The following PES1 variants were observed in gnomAD, a reference collection of about 807,000 sequenced individuals.
The protein encoded by PES1 is pescadillo homolog.
PES1 carries 31 observed loss-of-function variants against 77.1 expected under a neutral mutation model. That is an observed-to-expected ratio of 0.40 (90% CI 0.30 to 0.54). The LOEUF is 0.54. Among genes scored for constraint, PES1 ranks in the 20% least tolerant of loss-of-function variants. The probability of loss-of-function intolerance (pLI) is 0.45; values close to 1 mark genes in which losing one functional copy is unlikely to be tolerated. For missense variants in PES1, 658 were observed against 771.7 expected (o/e 0.85, Z 1.75); for synonymous variants, 282 against 303.0 (o/e 0.93, Z 0.72).
At chr22:30,602,911 T>TTG (rs61098443) in intron 2 of PES1, among the ~76,000 whole-genome samples, 59,299 of 150,792 alleles carry the variant, frequency 0.39, 12,702 homozygotes, top group African/African-American at 0.57. Context: ...TGAAAGCAAT[T>TTG]TGTGTGTGTG....
At chr22:30,594,477 G>A (rs1445017830), upstream of PES1, among the ~76,000 whole-genome samples, 1 of 151,922 alleles carries the variant, frequency 6.6e-6, no homozygotes, top group African/African-American at 2.4e-5. Flanking sequence ...CCAAAATTGT[G>A]CCATTGCACT....
intron 6 of PES1, among the ~76,000 whole-genome samples, chr22:30,584,029 G>C (rs2087027396): frequency 6.6e-6 from 1 of 152,262 alleles, no homozygotes; most frequent in Non-Finnish European, 1.5e-5. Context: ...CATGCAGGCT[G>C]GGTATGGCCC....
chr22:30,594,474 T>C (rs1005362746), upstream of PES1, among the ~76,000 whole-genome samples: 1 of 151,948 alleles, frequency 6.6e-6, no homozygotes, highest in Non-Finnish European at 1.5e-5. Context: ...GAGCCAAAAT[T>C]GTGCCATTGC....
intron 12 of PES1, 163 bp from the exon 13 acceptor site, chr22:30,579,466 G>T: frequency 8.5e-7 from 1 of 1,170,664 alleles, no homozygotes; most frequent in Non-Finnish European, 1.2e-6. Context: ...CCACAGCCCA[G>T]CTGCCATCAG....
chr22:30,578,155 C>T (rs2517986), intron 14 of PES1, among the ~76,000 whole-genome samples: 11,461 of 152,196 alleles, frequency 0.075, 539 homozygotes, highest in South Asian at 0.18. Flanking sequence ...TGGTGGCACA[C>T]GCCCTAATCC....
intron 2 of PES1, among the ~76,000 whole-genome samples, chr22:30,597,901 T>C (rs1324657157): frequency 1.6e-5 from 2 of 124,836 alleles, no homozygotes; most frequent in Non-Finnish European, 3.3e-5. Context: ...TTTTTTGTTT[T>C]GAGTCGGAGT....
At chr22:30,598,665 G>C (rs565693954) in intron 2 of PES1, among the ~76,000 whole-genome samples, 3 of 152,026 alleles carry the variant, frequency 2.0e-5, no homozygotes, top group South Asian at 4.2e-4. Context: ...CTTACCTTAA[G>C]TGACCCCCGC....
At chr22:30,603,563 G>A (rs2087391314) in intron 2 of PES1, among the ~76,000 whole-genome samples, 1 of 151,390 alleles carries the variant, frequency 6.6e-6, no homozygotes, top group South Asian at 2.1e-4. Context: ...TGTATTTTTA[G>A]TAGAGACTGG....
intron 4 of PES1, chr22:30,585,442 C>T (rs1423523005): frequency 3.8e-5 from 16 of 426,332 alleles, no homozygotes; most frequent in Middle Eastern, 3.6e-4. Context: ...GATTCCAGTC[C>T]CGGTCTGAGC....
chr22:30,588,101 C>T lies in PES1; in HGVS notation c.178G>A (p.Ala60Thr). 6.2e-7 allele frequency: 1 copy of T among 1,614,200 alleles called. No individual in the cohort carries two copies. The highest frequency in any genetic ancestry group is 8.5e-7 in the Non-Finnish European group (1 of 1,180,048). The change falls in exon 3 of 15, where the codon GCA (alanine) becomes ACA (threonine). Residue 60 changes from alanine (A) to threonine (T), a missense_variant. By Grantham distance (58) the Ala-to-Thr change is moderately conservative. Coordinates refer to ENST00000354694, the MANE Select transcript of PES1 (RefSeq NM_014303.4). ...HKKKVNKGST[A>T]ARTFYLIKDI... ...TTGATAAGGTAAAACGTTCGGGCTG[C>T]TGTAGAACCCTTGTTAACCTTCTTC... is the stretch of plus-strand genomic sequence containing the variant.
At chr22:30,597,101 G>C (rs1286926559) in intron 2 of PES1, among the ~76,000 whole-genome samples, 1 of 152,174 alleles carries the variant, frequency 6.6e-6, no homozygotes, top group African/African-American at 2.4e-5. Flanking sequence ...GCCTCCCCGT[G>C]GGGCAGGGCT....
At chr22:30,605,057 G>C (rs2087416683) in intron 2 of PES1, among the ~76,000 whole-genome samples, 1 of 152,058 alleles carries the variant, frequency 6.6e-6, no homozygotes, top group South Asian at 2.1e-4. Context: ...GCAGTGGTCT[G>C]ATCTCAGCTC....
At chr22:30,599,580 G>C (rs968110088) in intron 2 of PES1, among the ~76,000 whole-genome samples, 2 of 152,180 alleles carry the variant, frequency 1.3e-5, no homozygotes, top group Non-Finnish European at 2.9e-5. Flanking sequence ...TAATATCTCA[G>C]TTCTCATAAC....
intron 1 of PES1, among the ~76,000 whole-genome samples, chr22:30,589,610 G>A (rs749241538): frequency 2.2e-4 from 33 of 152,220 alleles, no homozygotes; most frequent in Non-Finnish European, 3.1e-4. Context: ...ATAACCCTGT[G>A]ATGTAGGTGC....
intron 1 of PES1, among the ~76,000 whole-genome samples, chr22:30,589,885 T>A (rs974243758): frequency 6.6e-6 from 1 of 152,258 alleles, no homozygotes; most frequent in Middle Eastern, 3.4e-3. Flanking sequence ...CTATGCCCCA[T>A]AAAATGTTAA....
At chr22:30,592,418 G>C (rs1374673473), upstream of PES1, 7 of 986,020 alleles carry the variant, frequency 7.1e-6, no homozygotes, top group Non-Finnish European at 8.4e-6. Flanking sequence ...AAAAAAGGAA[G>C]ACATTTTTCC....
chr22:30,597,124 C>G (rs922272750), intron 2 of PES1, among the ~76,000 whole-genome samples: 1 of 152,166 alleles, frequency 6.6e-6, no homozygotes, highest in Non-Finnish European at 1.5e-5. Flanking sequence ...GGACCTGCAG[C>G]CTGCCATGCC....
intron 2 of PES1, among the ~76,000 whole-genome samples, chr22:30,597,991 C>T (rs1020346528): frequency 6.5e-4 from 98 of 150,806 alleles, no homozygotes; most frequent in Middle Eastern, 3.4e-3. Context: ...TCACGCCATT[C>T]TCCTGCCTCA....
chr22:30,598,885 A>AATTTTT (rs1555892987), intron 2 of PES1, among the ~76,000 whole-genome samples: 1 of 51,190 alleles, frequency 2.0e-5, no homozygotes, highest in African/African-American at 7.8e-5. Flanking sequence ...CTTAAGTAAA[A>AATTTTT]TTTTTTTTTT....
Sources: gnomAD v4.1 joint callset for allele counts (sites outside exome capture counted in the v4.1 genomes callset) on GRCh38, gnomAD v4.1.1 for gene constraint, MANE v1.5 for transcripts, NCBI Gene and HGNC (gene_info 2026-07-23, HGNC 2026-07-21) for gene names.